ARMC3: variants seen among roughly 807,000 people sequenced by gnomAD.
ARMC3 encodes armadillo repeat-containing protein 3.
In ARMC3, 74 loss-of-function variants were observed where a neutral mutation model predicts 90.3. The observed-to-expected ratio is 0.82, with a 90% CI of 0.68 to 0.99. The LOEUF (loss-of-function observed/expected upper bound fraction) is 0.99. Among genes scored for constraint, ARMC3 ranks in the 50% least tolerant of loss-of-function variants. ARMC3 has a pLI of 0.00. For synonymous variants in ARMC3, 334 were observed against 361.8 expected, an observed-to-expected ratio of 0.92 and a Z score of 0.87; for missense variants, 958 against 1,042.8, an observed-to-expected ratio of 0.92 and a Z score of 1.12.
At chr10:22,948,882 T>G (rs1014090808) in intron 3 of ARMC3, among the ~76,000 whole-genome samples, 3 of 152,176 alleles carry the variant, frequency 2.0e-5, no homozygotes, top group African/African-American at 7.2e-5. Flanking sequence ...GGTCTCATTC[T>G]TGTATTTAGA....
intron 16 of ARMC3, among the ~76,000 whole-genome samples, chr10:23,020,864 T>G (rs969712941): frequency 2.0e-5 from 3 of 152,140 alleles, no homozygotes; most frequent in Non-Finnish European, 4.4e-5. Context: ...GGGTAAATTG[T>G]GTGTTGCTGA....
At chr10:22,936,120 G>A (rs1012892914) in intron 2 of ARMC3, among the ~76,000 whole-genome samples, 1 of 151,994 alleles carries the variant, frequency 6.6e-6, no homozygotes, top group Non-Finnish European at 1.5e-5. Flanking sequence ...CAGCCACTAG[G>A]CACATGTGGT....
chr10:22,989,043 C>A (rs1222456659), intron 10 of ARMC3, among the ~76,000 whole-genome samples: 1 of 152,150 alleles, frequency 6.6e-6, no homozygotes, highest in African/African-American at 2.4e-5. Context: ...ATGCAAGGAA[C>A]TGCGTCTTCA....
chr10:23,028,809 C>G (rs981115641), intron 16 of ARMC3, among the ~76,000 whole-genome samples: 1 of 152,174 alleles, frequency 6.6e-6, no homozygotes. Context: ...TGTTGAGGGT[C>G]AAGCCATGTA....
At chr10:23,030,236 G>A (rs1390683582) in intron 16 of ARMC3, among the ~76,000 whole-genome samples, 1 of 152,072 alleles carries the variant, frequency 6.6e-6, no homozygotes, top group African/African-American at 2.4e-5. Flanking sequence ...GTATCCATGA[G>A]GAATTGGTTT....
chr10:23,001,892 G>A, intron 11 of ARMC3, 27 bp from the exon 12 acceptor site: 1 of 1,610,274 alleles, frequency 6.2e-7, no homozygotes, highest in Admixed American at 1.7e-5. Context: ...CACTCTTAAT[G>A]TGTAACATTT....
intron 14 of ARMC3, among the ~76,000 whole-genome samples, chr10:23,007,698 CAAA>C (rs1188080079): frequency 0.033 from 1,109 of 33,664 alleles, 18 homozygotes; most frequent in African/African-American, 0.076. Flanking sequence ...GACTCCGTCT[CAAA>C]AAAAAAAAAA....
At chr10:23,029,077 C>A (rs769500839) in intron 16 of ARMC3, among the ~76,000 whole-genome samples, 1 of 152,118 alleles carries the variant, frequency 6.6e-6, no homozygotes, top group African/African-American at 2.4e-5. Context: ...CTAGTGCCAC[C>A]AGTGCCACCA....
At chr10:22,998,795 A>C (rs1313946835) in intron 11 of ARMC3, among the ~76,000 whole-genome samples, 1 of 152,258 alleles carries the variant, frequency 6.6e-6, no homozygotes, top group Non-Finnish European at 1.5e-5. Flanking sequence ...CCCACATGTC[A>C]ACAGCGATGA....
At chr10:22,976,379 G>A (rs570865327) in intron 8 of ARMC3, among the ~76,000 whole-genome samples, 15 of 152,208 alleles carry the variant, frequency 9.9e-5, no homozygotes, top group African/African-American at 3.4e-4. Flanking sequence ...ACAATTTGAC[G>A]TTGACCTCTC....
chr10:22,944,715 C>G (rs1834458362), intron 2 of ARMC3, among the ~76,000 whole-genome samples: 1 of 152,204 alleles, frequency 6.6e-6, no homozygotes, highest in Admixed American at 6.5e-5. Context: ...GGATGGTTCT[C>G]AAGCCCCAAA....
Position 23,003,384 on chromosome 10 carries a change from A to C in ARMC3, c.1701A>C (p.Ile567=). The C allele has an allele frequency of 6.2e-7, 1 of 1,611,172 alleles. No individual in the cohort carries two copies. The highest frequency in any genetic ancestry group is 1.1e-5 in the South Asian group (1 of 90,046). The change falls in exon 13 of 19, where the codon ATA becomes ATC. Residue 567 remains isoleucine, a synonymous_variant. Coordinates refer to ENST00000298032, the MANE Select transcript of ARMC3 (RefSeq NM_173081.5). ...SQTGYLSSSN[I]INDGFYDYGR... ...CTGGCTATTTGTCATCAAGTAACATAATTAACGATGGATTCTATGATTATG... is the reference window on the plus strand; with the variant it reads ...CTGGCTATTTGTCATCAAGTAACATCATTAACGATGGATTCTATGATTATG...
intron 16 of ARMC3, among the ~76,000 whole-genome samples, chr10:23,024,472 A>G (rs893803573): frequency 1.3e-5 from 2 of 152,136 alleles, no homozygotes; most frequent in African/African-American, 4.8e-5. Context: ...CCTCATGAGT[A>G]TTTTAAGTCA....
intron 2 of ARMC3, among the ~76,000 whole-genome samples, chr10:22,932,283 G>A (rs1159104530): frequency 6.6e-6 from 1 of 152,152 alleles, no homozygotes; most frequent in Non-Finnish European, 1.5e-5. Flanking sequence ...TATGTAGATG[G>A]CATGTTTATA....
intron 11 of ARMC3, among the ~76,000 whole-genome samples, 162 bp from the exon 12 acceptor site, chr10:23,001,757 A>AATCTATT (rs1438617326): frequency 7.9e-5 from 12 of 152,230 alleles, no homozygotes; most frequent in African/African-American, 2.9e-4. Context: ...GGTTTGCAAT[A>AATCTATT]GATTTTTCAC....
At chr10:22,946,284 C>T (rs1216559029) in intron 3 of ARMC3, 23 bp downstream of exon 3, 1 of 1,474,498 alleles carries the variant, frequency 6.8e-7, no homozygotes, top group Admixed American at 1.8e-5. Flanking sequence ...TTCAGTTTAT[C>T]TTTCTGTTTC....
chr10:23,008,376 T>C lies in ARMC3; in HGVS notation c.1928+2T>C. On this transcript the variant is annotated splice_donor_variant, in intron 15 of 18. Transcript: ENST00000298032. LOFTEE classifies it high-confidence loss of function. Reference sequence around the variant, plus strand: ...AAGATCAAGTAAAGAAAAGAACAAGTAAGAAAATGATGTTTTATCTGTATG... The same window carrying C: ...AAGATCAAGTAAAGAAAAGAACAAGCAAGAAAATGATGTTTTATCTGTATG... 2 of 1,374,514 alleles carry C rather than the reference T, an allele frequency of 1.5e-6. No individual in the cohort carries two copies. Among genetic ancestry groups the C allele is most frequent in the Non-Finnish European group, 2.0e-6 (2 of 992,842 alleles). 85.1% of individuals were successfully genotyped at this position (1,374,514 alleles called of 1,614,324 possible).
chr10:23,037,374 TG>T lies in ARMC3; in HGVS notation c.2519del (p.Gly840AlafsTer9), dbSNP rs754701349. On this transcript the variant is annotated frameshift_variant, in exon 19 of 19. Transcript: ENST00000298032. LOFTEE classifies it low-confidence loss of function (END_TRUNC). ...AGAATGACTCTCGGAAGGGAGTGAT[TG>T]GGGGCCTCCCCGCTCCTGAGATGTA... The part of the protein sequence containing the change: ...LQNDSRKGVI[G>X]GLPAPEMYVI... The T allele has an allele frequency of 6.2e-7, 1 of 1,613,982 alleles. No individual in the cohort carries two copies. Among genetic ancestry groups the T allele is most frequent in the African/African-American group, 1.3e-5 (1 of 75,022 alleles).
chr10:22,958,560 G>A (rs1319412537), intron 4 of ARMC3, among the ~76,000 whole-genome samples: 1 of 152,108 alleles, frequency 6.6e-6, no homozygotes, highest in African/African-American at 2.4e-5. Flanking sequence ...GCTCATGATC[G>A]AGGAATATAG....
Sources: gnomAD v4.1 joint callset for allele counts (sites outside exome capture counted in the v4.1 genomes callset) on GRCh38, gnomAD v4.1.1 for gene constraint, MANE v1.5 for transcripts, NCBI Gene and HGNC (gene_info 2026-07-23, HGNC 2026-07-21) for gene names.